Variants in VPS13B observed in about 807,000 individuals in gnomAD.
VPS13B encodes intermembrane lipid transfer protein VPS13B.
A neutral mutation model predicts 426.4 loss-of-function variants in VPS13B; 285 were observed. The ratio of observed to expected loss-of-function variants is 0.67; its 90% confidence interval spans 0.61 to 0.74. VPS13B has a LOEUF of 0.74. VPS13B is among the 30% of genes least tolerant of loss of function. The probability of loss-of-function intolerance (pLI) is 0.00; values close to 1 mark genes in which losing one functional copy is unlikely to be tolerated. For missense variants in VPS13B, 4,537 were observed against 4,782.6 expected, an observed-to-expected ratio of 0.95 and a Z score of 1.51; for synonymous variants, 1,676 against 1,676.4, an observed-to-expected ratio of 1.00 and a Z score of 0.01.
chr8:99,340,361 A>C, intron 19 of VPS13B: 1 of 404,432 alleles, frequency 2.5e-6, no homozygotes, highest in East Asian at 6.4e-5. Flanking sequence ...GCAGCAACAT[A>C]AGCCAACTCT....
intron 8 of VPS13B, among the ~76,000 whole-genome samples, chr8:99,127,802 G>A (rs1369820325): frequency 1.3e-5 from 2 of 152,044 alleles, no homozygotes; most frequent in African/African-American, 4.8e-5. Flanking sequence ...ATATGTTGAT[G>A]TGAATATCAT....
chr8:99,516,269 G>A (rs28377732), intron 29 of VPS13B, among the ~76,000 whole-genome samples: 3,141 of 152,204 alleles, frequency 0.021, 117 homozygotes, highest in African/African-American at 0.072. Flanking sequence ...ATTTTAAAGT[G>A]TAGATAATTC....
chr8:99,540,497 G>A (rs1823557463), intron 30 of VPS13B, among the ~76,000 whole-genome samples: 1 of 152,104 alleles, frequency 6.6e-6, no homozygotes, highest in African/African-American at 2.4e-5. Context: ...CTAGCTGTTT[G>A]ACCTCATTGT....
chr8:99,269,056 C>T lies in VPS13B; in HGVS notation c.2516-5142C>T, dbSNP rs181405382. Reference sequence around the variant, plus strand: ...TTGTGAAGAAGGACGTGTTTGCTTCCCTTCCATCATGATTGTAAGTTTCCT... The same window carrying T: ...TTGTGAAGAAGGACGTGTTTGCTTCTCTTCCATCATGATTGTAAGTTTCCT... On this transcript the variant is annotated intron_variant, in intron 17 of 61. Coordinates refer to ENST00000357162, the MANE Select transcript of VPS13B (RefSeq NM_152564.5). 6.2e-3 allele frequency among the ~76,000 whole-genome samples: 951 copies of T among 152,216 alleles called. 8 individuals are homozygous for T. Among genetic ancestry groups the T allele is most frequent in the African/African-American group, 0.021 (892 of 41,534 alleles).
At chr8:99,031,412 A>G (rs906243459) in intron 2 of VPS13B, among the ~76,000 whole-genome samples, 66 of 152,032 alleles carry the variant, frequency 4.3e-4, no homozygotes, top group Non-Finnish European at 1.3e-4. Flanking sequence ...TCCTTGGGGT[A>G]TGTTATTAGA....
chr8:99,195,538 T>C (rs535221261), intron 17 of VPS13B, among the ~76,000 whole-genome samples: 1 of 152,312 alleles, frequency 6.6e-6, no homozygotes, highest in Non-Finnish European at 1.5e-5. Context: ...CTTCCTTCAT[T>C]CTGTTAATTG....
intron 54 of VPS13B, among the ~76,000 whole-genome samples, chr8:99,842,099 A>G (rs1815720000): frequency 6.6e-6 from 1 of 152,170 alleles, no homozygotes; most frequent in African/African-American, 2.4e-5. Flanking sequence ...CCTAGTTAAG[A>G]TACTCTTTTA....
intron 36 of VPS13B, among the ~76,000 whole-genome samples, chr8:99,711,916 TA>T (rs765782233): frequency 6.6e-5 from 10 of 152,220 alleles, no homozygotes; most frequent in Non-Finnish European, 1.5e-4. Context: ...CCAGGATATG[TA>T]AATTCCTTAG....
At chr8:99,611,065 A>T (rs549704305) in intron 33 of VPS13B, among the ~76,000 whole-genome samples, 1 of 152,330 alleles carries the variant, frequency 6.6e-6, no homozygotes, top group South Asian at 2.1e-4. Context: ...TTCTCAAGTT[A>T]AATTCCCCTA....
rs1406872102 is a variant in VPS13B at position 99,303,215 on chromosome 8, G to A, written c.2824+27961G>A. Among the ~76,000 whole-genome samples, 4 of 142,718 alleles carry A rather than the reference G, an allele frequency of 2.8e-5. No individual in the cohort carries two copies. In the East Asian group the frequency reaches 8.3e-4, roughly 30 times the overall value. 93.6% of individuals were successfully genotyped at this position (142,718 alleles called of 152,430 possible). On this transcript the variant is annotated intron_variant, in intron 19 of 61. Coordinates refer to ENST00000357162, the MANE Select transcript of VPS13B (RefSeq NM_152564.5). ...GAATCGCTTGAACCTGGGAGGTGGA[G>A]GTTGCAGTGAGCCAAGATTGCGCCA...
intron 19 of VPS13B, among the ~76,000 whole-genome samples, chr8:99,344,037 T>C (rs1001945965): frequency 1.3e-5 from 2 of 152,290 alleles, no homozygotes; most frequent in African/African-American, 2.4e-5. Context: ...AAAATGACGA[T>C]ATCCAACTCT....
intron 58 of VPS13B, among the ~76,000 whole-genome samples, chr8:99,864,620 G>T (rs1588801012): frequency 1.3e-5 from 2 of 152,166 alleles, no homozygotes; most frequent in Admixed American, 1.3e-4. Context: ...TAGTTGCTCA[G>T]TTTCTTCAAT....
intron 25 of VPS13B, among the ~76,000 whole-genome samples, chr8:99,488,777 A>C (rs1294392391): frequency 6.6e-6 from 1 of 152,190 alleles, no homozygotes; most frequent in Non-Finnish European, 1.5e-5. Context: ...TAGATTCTGG[A>C]TATAAGCCCT....
intron 15 of VPS13B, among the ~76,000 whole-genome samples, chr8:99,163,272 A>G (rs1393280944): frequency 6.6e-6 from 1 of 152,216 alleles, no homozygotes; most frequent in East Asian, 1.9e-4. Flanking sequence ...TGTATTTACA[A>G]TCCCTGAGCT....
At chr8:99,479,153 G>A (rs551009885) in intron 24 of VPS13B, among the ~76,000 whole-genome samples, 5 of 152,070 alleles carry the variant, frequency 3.3e-5, no homozygotes, top group East Asian at 1.9e-4. Context: ...CATCCCCTGC[G>A]CTTGGCTTTT....
chr8:99,398,836 T>C (rs1814884766), intron 21 of VPS13B, among the ~76,000 whole-genome samples: 1 of 152,058 alleles, frequency 6.6e-6, no homozygotes, highest in South Asian at 2.1e-4. Context: ...TTTGCACTGT[T>C]TTAGAGAATC....
At chr8:99,298,706 G>A (rs541015223) in intron 19 of VPS13B, among the ~76,000 whole-genome samples, 83 of 152,280 alleles carry the variant, frequency 5.5e-4, no homozygotes, top group Middle Eastern at 3.4e-3. Context: ...CTGTTTAAGA[G>A]AAAGAGGTTA....
chr8:99,492,181 A>T (rs1488716434), intron 25 of VPS13B, among the ~76,000 whole-genome samples: 1 of 152,136 alleles, frequency 6.6e-6, no homozygotes, highest in African/African-American at 2.4e-5. Flanking sequence ...TTGCCTGGGT[A>T]TCAACTGCAA....
intron 31 of VPS13B, among the ~76,000 whole-genome samples, chr8:99,563,904 G>C (rs779588203): frequency 6.6e-6 from 1 of 152,154 alleles, no homozygotes; most frequent in South Asian, 2.1e-4. Flanking sequence ...CTTGACAGAC[G>C]TATAAATAGG....
Sources: gnomAD v4.1 joint callset for allele counts (sites outside exome capture counted in the v4.1 genomes callset) on GRCh38, gnomAD v4.1.1 for gene constraint, MANE v1.5 for transcripts, NCBI Gene and HGNC (gene_info 2026-07-23, HGNC 2026-07-21) for gene names.